ZNF503: variants seen among roughly 807,000 people sequenced by gnomAD.
ZNF503 encodes zinc finger protein 503.
ZNF503 carries 15 observed loss-of-function variants against 34.4 expected under a neutral mutation model. The ratio of observed to expected loss-of-function variants is 0.44; its 90% CI spans 0.29 to 0.67. The LOEUF is 0.67. Ranked by LOEUF, ZNF503 falls within the 30% of genes least tolerant of loss-of-function variation. The pLI is 0.13. For missense variants in ZNF503, 1,007 were observed against 926.8 expected (o/e 1.09, Z -1.12); for synonymous variants, 580 against 456.8 (o/e 1.27, Z -3.44).
chr10:75,375,529 C>A, the ZNF503 span, among the ~76,000 whole-genome samples: 1 of 151,520 alleles, frequency 6.6e-6, no homozygotes, highest in African/African-American at 2.4e-5. Context: ...TTTTCCTTTT[C>A]TTTTTGAGAC....
the ZNF503 span, among the ~76,000 whole-genome samples, chr10:75,353,337 T>A: frequency 6.6e-6 from 1 of 152,150 alleles, no homozygotes; most frequent in Admixed American, 6.6e-5. Flanking sequence ...GAGCATCAGG[T>A]TCCAGTGCTG....
At chr10:75,321,041 G>T in the ZNF503 span, among the ~76,000 whole-genome samples, 1 of 152,104 alleles carries the variant, frequency 6.6e-6, no homozygotes, top group Non-Finnish European at 1.5e-5. Flanking sequence ...AGTTTCTCAC[G>T]AATGGTTTAG....
chr10:75,298,067 A>G, the ZNF503 span, among the ~76,000 whole-genome samples: 1 of 152,236 alleles, frequency 6.6e-6, no homozygotes, highest in Non-Finnish European at 1.5e-5. Flanking sequence ...GTTTTAGAAC[A>G]TTTCCATCAT....
chr10:75,337,613 G>A, the ZNF503 span, among the ~76,000 whole-genome samples: 6 of 131,842 alleles, frequency 4.6e-5, no homozygotes, highest in Admixed American at 1.4e-4. Context: ...GCTAGACTCC[G>A]TCTCCAAAAG....
At chr10:75,310,440 T>C in the ZNF503 span, among the ~76,000 whole-genome samples, 1 of 152,154 alleles carries the variant, frequency 6.6e-6, no homozygotes, top group Non-Finnish European at 1.5e-5. Context: ...AGTCAAAGGA[T>C]CAGGAAAAGG....
the ZNF503 span, among the ~76,000 whole-genome samples, chr10:75,331,700 T>C: frequency 1.3e-5 from 2 of 152,230 alleles, no homozygotes; most frequent in African/African-American, 4.8e-5. Flanking sequence ...TCTTGCTATA[T>C]TGCCCAGGCT....
At chr10:75,312,732 TAGAC>T in the ZNF503 span, among the ~76,000 whole-genome samples, 2 of 152,006 alleles carry the variant, frequency 1.3e-5, no homozygotes, top group South Asian at 2.1e-4. Context: ...ATCTTGAAAG[TAGAC>T]AGATTAAAAA....
chr10:75,298,162 A>G, the ZNF503 span, among the ~76,000 whole-genome samples: 5 of 152,218 alleles, frequency 3.3e-5, no homozygotes, highest in Non-Finnish European at 5.9e-5. Flanking sequence ...TTTTACGTTT[A>G]GGTCTGGGAT....
the ZNF503 span, among the ~76,000 whole-genome samples, chr10:75,371,770 A>G: frequency 6.6e-6 from 1 of 152,116 alleles, no homozygotes; most frequent in Non-Finnish European, 1.5e-5. Context: ...GTGGTCTCTG[A>G]GCAGACCAGG....
chr10:75,377,344 C>A, the ZNF503 span, among the ~76,000 whole-genome samples: 4 of 152,242 alleles, frequency 2.6e-5, no homozygotes, highest in South Asian at 6.2e-4. Flanking sequence ...TGGGTTCCAA[C>A]CACTTGAACT....
At chr10:75,283,547 C>T in the ZNF503 span, among the ~76,000 whole-genome samples, 6 of 152,082 alleles carry the variant, frequency 3.9e-5, no homozygotes, top group South Asian at 2.1e-4. Flanking sequence ...AGAGAACTGT[C>T]GTCCCCTGTA....
the ZNF503 span, among the ~76,000 whole-genome samples, chr10:75,306,985 A>T: frequency 1.3e-5 from 2 of 151,994 alleles, no homozygotes; most frequent in Non-Finnish European, 2.9e-5. Flanking sequence ...AATTAGGCCA[A>T]TTTCAATATT....
the ZNF503 span, among the ~76,000 whole-genome samples, chr10:75,313,884 T>C: frequency 2.2e-4 from 33 of 152,186 alleles, no homozygotes; most frequent in East Asian, 6.4e-3. Flanking sequence ...AAGCATACAA[T>C]CTTAAGAATT....
chr10:75,350,797 TC>T, the ZNF503 span, among the ~76,000 whole-genome samples: 1 of 152,020 alleles, frequency 6.6e-6, no homozygotes, highest in African/African-American at 2.4e-5. Flanking sequence ...CAAGTAATCC[TC>T]CCGCCTCAGC....
At chr10:75,320,537 G>T in the ZNF503 span, among the ~76,000 whole-genome samples, 1 of 151,970 alleles carries the variant, frequency 6.6e-6, no homozygotes, top group South Asian at 2.1e-4. Context: ...CAATATATAG[G>T]CTGGGCATGG....
At chr10:75,302,798 C>T in the ZNF503 span, among the ~76,000 whole-genome samples, 1 of 152,168 alleles carries the variant, frequency 6.6e-6, no homozygotes, top group Non-Finnish European at 1.5e-5. Flanking sequence ...TACTCTAAAC[C>T]AAGTGTGTCC....
the ZNF503 span, among the ~76,000 whole-genome samples, chr10:75,390,368 C>T: frequency 1.3e-5 from 2 of 150,974 alleles, no homozygotes; most frequent in African/African-American, 4.9e-5. Context: ...CCTTGTTCTT[C>T]CTCCCTCCTC....
the ZNF503 span, among the ~76,000 whole-genome samples, chr10:75,378,255 G>A: frequency 6.6e-6 from 1 of 152,096 alleles, no homozygotes; most frequent in Non-Finnish European, 1.5e-5. Context: ...CTGTCACTCA[G>A]AAAAAGGACA....
At chr10:75,356,906 G>A in the ZNF503 span, among the ~76,000 whole-genome samples, 2 of 152,274 alleles carry the variant, frequency 1.3e-5, no homozygotes, top group African/African-American at 4.8e-5. Flanking sequence ...AGGTGTAGGC[G>A]TGTCGAACAG....
Sources: allele counts gnomAD v4.1 joint callset (sites outside exome capture counted in the v4.1 genomes callset), GRCh38; gene constraint gnomAD v4.1.1; transcripts MANE v1.5; gene names NCBI Gene and HGNC (gene_info 2026-07-23, HGNC 2026-07-21).